PCOLCE2: variants seen among roughly 807,000 people sequenced by gnomAD.
The protein encoded by PCOLCE2 is procollagen C-endopeptidase enhancer 2.
A neutral mutation model predicts 47.0 loss-of-function variants in PCOLCE2; 42 were observed. The observed-to-expected ratio is 0.89, with a 90% CI of 0.70 to 1.16. The LOEUF (loss-of-function observed/expected upper bound fraction) is 1.16. Ranked by LOEUF, PCOLCE2 falls within the 50% of genes most tolerant of loss-of-function variation. The probability of loss-of-function intolerance (pLI) is 0.00; values close to 1 mark genes in which losing one functional copy is unlikely to be tolerated. For missense variants in PCOLCE2, 500 were observed against 526.1 expected (o/e 0.95, Z 0.49); for synonymous variants, 169 against 191.7 (o/e 0.88, Z 0.98).
At chr3:142,887,449 C>T (rs945398333) in intron 2 of PCOLCE2, 6 of 424,380 alleles carry the variant, frequency 1.4e-5, no homozygotes, top group Non-Finnish European at 2.1e-5. Context: ...GAATTTATTC[C>T]TTCAAGCATT....
At chr3:142,855,184 CTT>C (rs1933038000) in intron 2 of PCOLCE2, among the ~76,000 whole-genome samples, 2 of 152,180 alleles carry the variant, frequency 1.3e-5, no homozygotes, top group African/African-American at 4.8e-5. Context: ...ACACAGCCCT[CTT>C]ATTTCTTCAC....
chr3:142,824,886 T>C (rs28661660), intron 6 of PCOLCE2, among the ~76,000 whole-genome samples: 50,231 of 152,050 alleles, frequency 0.33, 10,648 homozygotes, highest in African/African-American at 0.62. Context: ...TCTCGGCCTC[T>C]GAAAGTGCTG....
chr3:142,865,527 A>G (rs1933268598), intron 2 of PCOLCE2, among the ~76,000 whole-genome samples: 1 of 152,210 alleles, frequency 6.6e-6, no homozygotes, highest in African/African-American at 2.4e-5. Flanking sequence ...GTTGACAACA[A>G]CATCTCTTGA....
chr3:142,844,350 T>C (rs929370789), intron 3 of PCOLCE2, among the ~76,000 whole-genome samples: 1 of 152,220 alleles, frequency 6.6e-6, no homozygotes, highest in Non-Finnish European at 1.5e-5. Flanking sequence ...TGGACTATTG[T>C]GAATGAAGCT....
At chr3:142,827,470 A>G in intron 6 of PCOLCE2, 1 of 1,530,206 alleles carries the variant, frequency 6.5e-7, no homozygotes, top group South Asian at 1.1e-5. Context: ...TAGCAGTGGC[A>G]TAGTTCCCTG....
In PCOLCE2 at chr3:142,888,800, AG is replaced by A; in HGVS notation, c.83+13del. The A allele has an allele frequency of 6.8e-7, 1 of 1,461,862 alleles. No individual in the cohort carries two copies. Among genetic ancestry groups the A allele is most frequent in the Non-Finnish European group, 9.1e-7 (1 of 1,096,308 alleles). 90.6% of individuals were successfully genotyped at this position (1,461,862 alleles called of 1,614,324 possible). On this transcript the variant is annotated intron_variant, in intron 1 of 8. Transcript: ENST00000295992. ...GAAAGGAGAGAAAGGGAGCCCGGGC[AG>A]GGGTCGCGTTACCTCTCTGGGGACT...
chr3:142,889,041 A>C lies in PCOLCE2; in HGVS notation c.-145T>G. 9.0e-6 allele frequency: 3 copies of C among 332,252 alleles called. No homozygotes were observed. The highest frequency in any genetic ancestry group is 1.7e-5 in the Non-Finnish European group (3 of 181,314). The allele number at this position is 332,252 out of a possible 1,614,324, so 20.6% of individuals were successfully genotyped here. On this transcript the variant is annotated 5_prime_UTR_variant, in exon 1 of 9. Transcript: ENST00000295992. ...CTCGGCTGCCCGCGCGCTCCCTCTC[A>C]CGCGCGCACCGCCGCGGGGCGGCCC...
At chr3:142,823,644 G>A (rs200193375) in intron 6 of PCOLCE2, 29 bp from the exon 7 acceptor site, 11 of 1,316,208 alleles carry the variant, frequency 8.4e-6, no homozygotes, top group Admixed American at 7.4e-5. Context: ...TAAGTTTCAC[G>A]AAAAATGAAT....
chr3:142,853,753 TA>T (rs1933003844), intron 2 of PCOLCE2, among the ~76,000 whole-genome samples: 1 of 152,256 alleles, frequency 6.6e-6, no homozygotes, highest in Admixed American at 6.5e-5. Context: ...TGCTAACACT[TA>T]ATGCAGAAAC....
At chr3:142,838,959 C>A in intron 4 of PCOLCE2, 53 bp from the exon 5 acceptor site, 3 of 1,395,010 alleles carry the variant, frequency 2.2e-6, no homozygotes, top group Non-Finnish European at 3.0e-6. Context: ...TGTTGAATAA[C>A]CTCAAATGGA....
intron 2 of PCOLCE2, among the ~76,000 whole-genome samples, chr3:142,877,933 G>T (rs79449228): frequency 0.063 from 9,622 of 152,232 alleles, 348 homozygotes; most frequent in African/African-American, 0.1. Flanking sequence ...TTTAATGAAT[G>T]AATGAATGAC....
chr3:142,871,758 C>T (rs1445385730), intron 2 of PCOLCE2, among the ~76,000 whole-genome samples: 7 of 152,144 alleles, frequency 4.6e-5, no homozygotes, highest in East Asian at 1.9e-4. Flanking sequence ...ATCACATAAA[C>T]GAATTCCTTG....
At position 142,843,145 on chromosome 3, in the gene PCOLCE2, T is replaced by C. The variant is rs1475045978; in HGVS notation, c.449-97A>G. 3 of 1,256,580 alleles carry C rather than the reference T, an allele frequency of 2.4e-6. No individual in the cohort carries two copies. The East Asian group carries it at 7.0e-5, about 29-fold the overall frequency. The allele number at this position is 1,256,580 out of a possible 1,614,324, so 77.8% of individuals were successfully genotyped here. On this transcript the variant is annotated intron_variant, in intron 3 of 8. Transcript: ENST00000295992. ...AGGAATGTGGGATCTTTGGTGAGAG[T>C]ACAGTAAATAAAGGCAACAGCAGAA... is the stretch of plus-strand genomic sequence containing the variant.
intron 5 of PCOLCE2, among the ~76,000 whole-genome samples, chr3:142,832,774 A>T (rs1316667295): frequency 6.6e-6 from 1 of 152,196 alleles, no homozygotes; most frequent in Non-Finnish European, 1.5e-5. Flanking sequence ...ATCTACACTG[A>T]ATCAAACCAA....
intron 2 of PCOLCE2, among the ~76,000 whole-genome samples, chr3:142,865,915 T>G (rs1933273694): frequency 6.6e-6 from 1 of 152,176 alleles, no homozygotes; most frequent in African/African-American, 2.4e-5. Context: ...TAACGATGTC[T>G]AAAAGACTCC....
chr3:142,871,433 T>C (rs556572817), intron 2 of PCOLCE2, among the ~76,000 whole-genome samples: 3 of 152,352 alleles, frequency 2.0e-5, no homozygotes, highest in African/African-American at 7.2e-5. Context: ...GCTGTGGCTC[T>C]TAGATGGTTT....
intron 6 of PCOLCE2, chr3:142,827,508 C>G: frequency 6.7e-7 from 1 of 1,491,218 alleles, no homozygotes; most frequent in Non-Finnish European, 9.3e-7. Flanking sequence ...CTACGGCCTC[C>G]AGGCTTCTCC....
rs1270788 is a variant in PCOLCE2 at position 142,873,196 on chromosome 3, C to A, written c.192+14473G>T. ...TCACCCTGAGGTCAGGAGTTCAAGACCAGCTCGGCCAACATGGTGAAACCC... is the reference window on the plus strand; with the variant it reads ...TCACCCTGAGGTCAGGAGTTCAAGAACAGCTCGGCCAACATGGTGAAACCC... On this transcript the variant is annotated intron_variant, in intron 2 of 8. Coordinates refer to ENST00000295992, the MANE Select transcript of PCOLCE2 (RefSeq NM_013363.4). 9.6e-3 allele frequency among the ~76,000 whole-genome samples: 1,453 copies of A among 152,070 alleles called. 8 individuals carry two copies. Among genetic ancestry groups the A allele is most frequent in the Non-Finnish European group, 0.015 (992 of 67,972 alleles).
At chr3:142,827,391 A>T in intron 6 of PCOLCE2, 1 of 1,561,308 alleles carries the variant, frequency 6.4e-7, no homozygotes, top group Non-Finnish European at 8.8e-7. Flanking sequence ...CTGTTGGCTG[A>T]GGAGACAACC....
Sources: gnomAD v4.1 joint callset for allele counts (sites outside exome capture counted in the v4.1 genomes callset) on GRCh38, gnomAD v4.1.1 for gene constraint, MANE v1.5 for transcripts, NCBI Gene and HGNC (gene_info 2026-07-23, HGNC 2026-07-21) for gene names.